Variants in RPIA observed in about 807,000 individuals in gnomAD.
RPIA encodes ribose 5-phosphate isomerase A.
Under a neutral mutation model 37.8 loss-of-function variants are expected in RPIA, and 29 were observed. That is an observed-to-expected ratio of 0.77 (90% CI 0.57 to 1.05). The LOEUF is 1.05. Ranked by LOEUF, RPIA falls within the 50% of genes least tolerant of loss-of-function variation. The probability of loss-of-function intolerance (pLI) is 0.00; values close to 1 mark genes in which losing one functional copy is unlikely to be tolerated. For missense variants in RPIA, 385 were observed against 413.6 expected (o/e 0.93, Z 0.60); for synonymous variants, 167 against 157.0 (o/e 1.06, Z -0.48).
intron 8 of RPIA, among the ~76,000 whole-genome samples, chr2:88,748,413 G>C (rs1254749184): frequency 6.6e-6 from 1 of 152,174 alleles, no homozygotes; most frequent in East Asian, 1.9e-4. Context: ...GGAATCACTG[G>C]ATGAAAGGAT....
Position 88,734,593 on chromosome 2 carries a change from T to A in RPIA, c.504T>A (p.Asp168Glu), listed in dbSNP as rs754242740. The A allele has an allele frequency of 1.2e-6, 2 of 1,614,242 alleles. No homozygotes were observed. Among genetic ancestry groups the A allele is most frequent in the Admixed American group, 1.7e-5 (1 of 60,022 alleles). The change falls in exon 5 of 9, where the codon GAT (aspartate) becomes GAA (glutamate). Residue 168 changes from aspartate to glutamate, a missense_variant. Asp to Glu is a conservative substitution (Grantham distance 45). Around this residue, in one of 2 missense-constraint regions of RPIA, gnomAD observed 153 missense variants for 210.6 expected, o/e 0.73. Transcript: ENST00000283646. ...ATGGTGCTGATGAAGTAGATGCTGA[T>A]CTCAATCTCATCAAGGGTGGCGGGT... ...AIDGADEVDA[D>E]LNLIKGGGGC...
At chr2:88,696,775 G>A (rs1672753638) in intron 1 of RPIA, among the ~76,000 whole-genome samples, 1 of 152,154 alleles carries the variant, frequency 6.6e-6, no homozygotes, top group Non-Finnish European at 1.5e-5. Flanking sequence ...TGGAGGCTAC[G>A]AAGTCCAATA....
chr2:88,709,137 G>GA (rs1672932920), intron 3 of RPIA, among the ~76,000 whole-genome samples: 1 of 152,210 alleles, frequency 6.6e-6, no homozygotes, highest in African/African-American at 2.4e-5. Flanking sequence ...GAAAATGTTG[G>GA]AAAATGGGCC....
At chr2:88,694,237 C>G (rs935539962) in intron 1 of RPIA, among the ~76,000 whole-genome samples, 1 of 152,318 alleles carries the variant, frequency 6.6e-6, no homozygotes, top group South Asian at 2.1e-4. Flanking sequence ...ATTTCCTGGG[C>G]CAGTCATTTG....
intron 3 of RPIA, among the ~76,000 whole-genome samples, chr2:88,717,135 G>A (rs756754397): frequency 2.6e-5 from 4 of 152,180 alleles, no homozygotes; most frequent in Non-Finnish European, 5.9e-5. Flanking sequence ...AGACAAAATA[G>A]GCGAGATAAT....
chr2:88,700,090 G>A (rs200454440), intron 3 of RPIA, 26 bp downstream of exon 3: 164 of 1,611,194 alleles, frequency 1.0e-4, no homozygotes, highest in Admixed American at 2.7e-4. Flanking sequence ...CATCTGCATC[G>A]TGACAGCTTC....
chr2:88,725,690 A>G (rs1409247484), intron 3 of RPIA, among the ~76,000 whole-genome samples: 1 of 152,242 alleles, frequency 6.6e-6, no homozygotes, highest in African/African-American at 2.4e-5. Flanking sequence ...TCCATAAAAC[A>G]TCACATTCTG....
At chr2:88,702,101 T>C (rs1558688805) in intron 3 of RPIA, among the ~76,000 whole-genome samples, 1 of 152,268 alleles carries the variant, frequency 6.6e-6, no homozygotes, top group African/African-American at 2.4e-5. Context: ...TGATGATTTA[T>C]AATGTCTAAT....
intron 3 of RPIA, among the ~76,000 whole-genome samples, chr2:88,704,942 C>G (rs1558689509): frequency 6.6e-6 from 1 of 152,136 alleles, no homozygotes; most frequent in Admixed American, 6.5e-5. Flanking sequence ...AGCAGAGAGC[C>G]AAATCATGAA....
chr2:88,748,336 A>G (rs1298544887), intron 8 of RPIA, among the ~76,000 whole-genome samples: 1 of 152,076 alleles, frequency 6.6e-6, no homozygotes, highest in Non-Finnish European at 1.5e-5. Context: ...CACTTTACCT[A>G]TGTAACATTA....
intron 3 of RPIA, among the ~76,000 whole-genome samples, chr2:88,713,408 G>T (rs112317262): frequency 6.6e-6 from 1 of 151,994 alleles, no homozygotes; most frequent in African/African-American, 2.4e-5. Context: ...CAGGAATTTT[G>T]TAGGCATTTC....
chr2:88,698,495 G>A lies in RPIA; in HGVS notation c.297G>A (p.Val99=), dbSNP rs542412302. 2 of 1,614,164 alleles carry A rather than the reference G, an allele frequency of 1.2e-6. No individual in the cohort carries two copies. The highest frequency in any genetic ancestry group is 1.7e-5 in the Admixed American group (1 of 60,024). Residue 99 remains valine (V), a synonymous_variant, in exon 2 of 9, where the codon GTG becomes GTA. Coordinates refer to ENST00000283646, the MANE Select transcript of RPIA (RefSeq NM_144563.3). ...AVENHVRNNQ[V]LGIGSGSTIV... Reference sequence around the variant, plus strand: ...CCGTTTTTTGGCAGAATAACCAAGTGCTGGGAATTGGAAGTGGTTCTACAA... The same window carrying A: ...CCGTTTTTTGGCAGAATAACCAAGTACTGGGAATTGGAAGTGGTTCTACAA...
intron 3 of RPIA, among the ~76,000 whole-genome samples, chr2:88,720,076 A>G (rs537400342): frequency 1.4e-3 from 217 of 152,224 alleles, no homozygotes; most frequent in Admixed American, 3.9e-3. Context: ...GGCATCTTCT[A>G]TGGGGCCTGA....
chr2:88,695,978 T>C (rs1672737651), intron 1 of RPIA, among the ~76,000 whole-genome samples: 1 of 152,144 alleles, frequency 6.6e-6, no homozygotes, highest in Non-Finnish European at 1.5e-5. Context: ...TTCTAATCTT[T>C]TCTAGTTATA....
At chr2:88,692,119 C>T (rs982813093) in intron 1 of RPIA, 136 bp downstream of exon 1, 1 of 1,142,046 alleles carries the variant, frequency 8.8e-7, no homozygotes, top group Non-Finnish European at 1.2e-6. Flanking sequence ...AGGGTGTGCA[C>T]TTTACCCGAG....
intron 3 of RPIA, among the ~76,000 whole-genome samples, chr2:88,719,176 G>A (rs1430265052): frequency 6.6e-6 from 1 of 152,094 alleles, no homozygotes. Flanking sequence ...CAATTGTCAT[G>A]GATGACAAAA....
At chr2:88,700,893 G>T (rs1044392580) in intron 3 of RPIA, among the ~76,000 whole-genome samples, 1 of 152,196 alleles carries the variant, frequency 6.6e-6, no homozygotes, top group African/African-American at 2.4e-5. Context: ...GATTAGTCAA[G>T]ATGATACTAT....
At chr2:88,729,231 A>G in intron 3 of RPIA, 47 bp from the exon 4 acceptor site, 2 of 1,595,028 alleles carry the variant, frequency 1.3e-6, no homozygotes, top group East Asian at 2.2e-5. Flanking sequence ...AATCCTTGTC[A>G]TGAACTCAAG....
intron 5 of RPIA, among the ~76,000 whole-genome samples, chr2:88,734,884 T>C (rs1056232329): frequency 6.6e-6 from 1 of 152,314 alleles, no homozygotes; most frequent in Admixed American, 6.5e-5. Context: ...ATTCAGACTT[T>C]AAAAACTTAA....
Sources: gnomAD v4.1 joint callset for allele counts (sites outside exome capture counted in the v4.1 genomes callset) on GRCh38, gnomAD v4.1.1 for gene constraint, gnomAD v4.1.1 regional missense constraint, MANE v1.5 for transcripts, NCBI Gene and HGNC (gene_info 2026-07-23, HGNC 2026-07-21) for gene names.